Variants in MATN3 observed in about 807,000 individuals in gnomAD.
The protein encoded by MATN3 is matrilin-3.
In MATN3, 48 loss-of-function variants were observed where a neutral mutation model predicts 45.3. That is an observed-to-expected ratio of 1.06 (90% CI 0.84 to 1.35). The LOEUF is 1.35. Ranked by LOEUF, MATN3 falls within the 40% of genes most tolerant of loss-of-function variation. MATN3 has a pLI of 0.00. For missense variants in MATN3, 599 were observed against 628.0 expected (o/e 0.95, Z 0.49); for synonymous variants, 217 against 245.9 (o/e 0.88, Z 1.10).
Position 20,010,064 on chromosome 2 carries a change from T to TCCAAAAAAAAAAAAAAAAAAAAAAA in MATN3, c.223+2344_223+2345insTTTTTTTTTTTTTTTTTTTTTTTGG, listed in dbSNP as rs1247085339. ...TTGTCTCAGAATAAATCTCTTCAAA[T>TCCAAAAAAAAAAAAAAAAAAAAAAA]ACTAAAAAAAAAAAAAAAAAAAAAA... On this transcript the variant is annotated intron_variant, in intron 1 of 7. Transcript: ENST00000407540. 3.8e-3 allele frequency among the ~76,000 whole-genome samples: 41 copies of TCCAAAAAAAAAAAAAAAAAAAAAAA among 10,758 alleles called. 2 individuals are homozygous for TCCAAAAAAAAAAAAAAAAAAAAAAA. Among genetic ancestry groups the TCCAAAAAAAAAAAAAAAAAAAAAAA allele is most frequent in the Non-Finnish European group, 4.7e-3 (36 of 7,718 alleles). 7.1% of individuals were successfully genotyped at this position (10,758 alleles called of 152,430 possible).
At chr2:20,004,717 G>C (rs1429215318) in intron 2 of MATN3, among the ~76,000 whole-genome samples, 1 of 152,132 alleles carries the variant, frequency 6.6e-6, no homozygotes, top group Non-Finnish European at 1.5e-5. Flanking sequence ...CCCACCCCCA[G>C]AATGTTACTT....
intron 1 of MATN3, among the ~76,000 whole-genome samples, chr2:20,011,695 C>T (rs938932959): frequency 6.6e-6 from 1 of 152,168 alleles, no homozygotes; most frequent in Non-Finnish European, 1.5e-5. Flanking sequence ...CTTGGGATTT[C>T]GGAGCCCTGA....
intron 2 of MATN3, chr2:20,004,128 C>A (rs1673046276): frequency 6.6e-6 from 1 of 152,176 alleles, no homozygotes; most frequent in Admixed American, 6.5e-5. Context: ...CCTCCACTGC[C>A]CTTGGCAACA....
chr2:19,994,370 G>T lies in MATN3; in HGVS notation c.1334C>A (p.Ala445Asp), dbSNP rs763850212. The T allele has an allele frequency of 1.9e-6, 3 of 1,613,368 alleles. No homozygotes were observed. Among genetic ancestry groups the T allele is most frequent in the Non-Finnish European group, 2.5e-6 (3 of 1,179,522 alleles). Residue 445 changes from alanine to aspartate, a missense_variant, in exon 7 of 8, where the codon GCT becomes GAT. By Grantham distance (126) the Ala-to-Asp change is moderately radical. Transcript: ENST00000407540. ...EARRLVSTEDACGCEATLAFQ... is the reference protein window; with the variant it reads ...EARRLVSTEDDCGCEATLAFQ... ...TGCCAGTGTAGCTTCACATCCACAA[G>T]CATCTTCAGTGGAAACAAGTCTTCG... is the stretch of plus-strand genomic sequence containing the variant.
chr2:20,006,201 G>A lies in MATN3; in HGVS notation c.333C>T (p.Asp111=). ...KVKTFVSRII[D]TLDIGPADTR... is the part of the protein sequence containing the mutation. Reference sequence around the variant, plus strand: ...TGTCGGCTGGCCCAATGTCCAGAGTGTCGATTATCCGGGAGACAAAAGTTT... The same window carrying A: ...TGTCGGCTGGCCCAATGTCCAGAGTATCGATTATCCGGGAGACAAAAGTTT... The change falls in exon 2 of 8, where the codon GAC becomes GAT. Residue 111 remains aspartate, a synonymous_variant. Transcript: ENST00000407540. 1.2e-6 allele frequency: 2 copies of A among 1,613,878 alleles called. No individual in the cohort carries two copies. Among genetic ancestry groups the A allele is most frequent in the Non-Finnish European group, 1.7e-6 (2 of 1,179,850 alleles).
At chr2:20,003,818 G>A (rs1377443975) in intron 2 of MATN3, among the ~76,000 whole-genome samples, 1 of 152,216 alleles carries the variant, frequency 6.6e-6, no homozygotes, top group Non-Finnish European at 1.5e-5. Flanking sequence ...CATGCAAATG[G>A]TAGAGGACAG....
intron 1 of MATN3, among the ~76,000 whole-genome samples, chr2:20,006,818 C>T (rs1028129519): frequency 6.6e-6 from 1 of 152,178 alleles, no homozygotes; most frequent in Non-Finnish European, 1.5e-5. Context: ...CTCTTTTACT[C>T]CACTTCCAAG....
chr2:20,009,075 A>C (rs558582990), intron 1 of MATN3, among the ~76,000 whole-genome samples: 2 of 151,998 alleles, frequency 1.3e-5, no homozygotes, highest in East Asian at 1.9e-4. Context: ...AAGTTTAAAA[A>C]TTAGCCAGGC....
intron 2 of MATN3, 47 bp downstream of exon 2, chr2:20,005,697 T>C: frequency 7.2e-7 from 1 of 1,398,178 alleles, no homozygotes; most frequent in Non-Finnish European, 9.7e-7. Context: ...ACACAATGTC[T>C]GAATATAACA....
chr2:20,004,096 C>T (rs1673045536), intron 2 of MATN3: 1 of 152,138 alleles, frequency 6.6e-6, no homozygotes, highest in African/African-American at 2.4e-5. Flanking sequence ...GGAGGCTGGC[C>T]CTCCTGTGGC....
rs1049722883 is a variant in MATN3 at position 19,995,812 on chromosome 2, C to T, written c.1294+1322G>A. On this transcript the variant is annotated intron_variant, in intron 6 of 7. Transcript: ENST00000407540. The surrounding 1 kb of genome is among the most constrained non-coding windows in gnomAD (Gnocchi z 4.2). The stretch of plus-strand genomic sequence containing the variant: ...GGTCCTTTGCTGCAACATTTTTACT[C>T]TTAACATTTTACAAAGATCCAATAT... Among the ~76,000 whole-genome samples, 11 of 152,158 alleles carry T rather than the reference C, an allele frequency of 7.2e-5. No individual in the cohort carries two copies. The highest frequency in any genetic ancestry group is 1.5e-4 in the Non-Finnish European group (10 of 68,020).
Position 20,006,632 on chromosome 2 carries a change from T to C in MATN3, c.224-322A>G, listed in dbSNP as rs142402162. Among the ~76,000 whole-genome samples, 383 of 152,334 alleles carry C rather than the reference T, an allele frequency of 2.5e-3. 3 individuals carry two copies. The highest frequency in any genetic ancestry group is 4.1e-3 in the East Asian group (21 of 5,182). ...GGCCCTCATGATTCCTGGGAATTAA[T>C]AGATTCTACACATTTCTTAAGTACC... On this transcript the variant is annotated intron_variant, in intron 1 of 7. Transcript: ENST00000407540.
At chr2:20,009,126 G>A (rs1214297139) in intron 1 of MATN3, among the ~76,000 whole-genome samples, 1 of 151,522 alleles carries the variant, frequency 6.6e-6, no homozygotes, top group Non-Finnish European at 1.5e-5. Flanking sequence ...TTAGGGGGCT[G>A]AGGCAGGAGG....
intron 4 of MATN3, among the ~76,000 whole-genome samples, chr2:20,001,598 G>C (rs1301573996): frequency 6.6e-6 from 1 of 152,156 alleles, no homozygotes; most frequent in East Asian, 1.9e-4. Flanking sequence ...TGATCACTTA[G>C]TTAAGGTGAT....
chr2:20,012,362 T>C lies in MATN3; in HGVS notation c.223+47A>G. ...AGCGCGCTTGGTGGATGCCCTGGGC[T>C]TCTCCTCGTTCGATGCTCACGCGTC... On this transcript the variant is annotated intron_variant, in intron 1 of 7. Transcript: ENST00000407540. The surrounding 1 kb of genome is among the most constrained non-coding windows in gnomAD (Gnocchi z 4.3). 1 of 1,210,416 alleles carries C rather than the reference T, an allele frequency of 8.3e-7. No individual in the cohort carries two copies. Among genetic ancestry groups the C allele is most frequent in the Non-Finnish European group, 1.0e-6 (1 of 970,198 alleles). 75.0% of individuals were successfully genotyped at this position (1,210,416 alleles called of 1,614,324 possible). A position where few individuals can be genotyped will look rare whatever the true frequency, so the allele number is the denominator to read the frequency against.
intron 3 of MATN3, among the ~76,000 whole-genome samples, chr2:20,002,872 A>G (rs1673014163): frequency 6.6e-6 from 1 of 152,006 alleles, no homozygotes; most frequent in African/African-American, 2.4e-5. Flanking sequence ...AAAATGTGGG[A>G]ATTATAGGCA....
chr2:20,010,064 T>TCCAAAAAAAAAAAAAAAAAAAAAAAAA (rs1247085339), intron 1 of MATN3, among the ~76,000 whole-genome samples: 258 of 10,652 alleles, frequency 0.024, 13 homozygotes, highest in South Asian at 0.031. Context: ...TCTCTTCAAA[T>TCCAAAAAAAAAAAAAAAAAAAAAAAAA]ACTAAAAAAA....
chr2:20,000,471 T>C lies in MATN3; in HGVS notation c.1138A>G (p.Thr380Ala). The C allele has an allele frequency of 6.2e-7, 1 of 1,612,156 alleles. No individual in the cohort carries two copies. The highest frequency in any genetic ancestry group is 1.1e-5 in the South Asian group (1 of 90,598). The change falls in exon 5 of 8, where the codon ACT (threonine) becomes GCT (alanine). Residue 380 changes from threonine to alanine, a missense_variant. By Grantham distance (58) the Thr-to-Ala change is moderately conservative (BLOSUM62 0). Coordinates refer to ENST00000407540, the MANE Select transcript of MATN3 (RefSeq NM_002381.5). Reference protein sequence around the residue: ...SHHCECYEGYTLNADKKTCSV... With the variant: ...SHHCECYEGYALNADKKTCSV... Reference sequence around the variant, plus strand: ...CATGTTTTTTTATCTGCATTCAGAGTGTAGCCCTCATAGCATTCACAATGA... The same window carrying C: ...CATGTTTTTTTATCTGCATTCAGAGCGTAGCCCTCATAGCATTCACAATGA...
Position 20,003,181 on chromosome 2 carries a change from G to A in MATN3, c.896C>T (p.Ala299Val), listed in dbSNP as rs2103482649. ...CTCACCTGAACACGTTTTCTTGTCG[G>A]CATTCAAGGTGTATCCTTGGCTACA... ...CECSQGYTLN[A>V]DKKTCSALDR... Residue 299 changes from alanine to valine, a missense_variant, in exon 3 of 8, where the codon GCC becomes GTC. Transcript: ENST00000407540. 3 of 1,613,924 alleles carry A rather than the reference G, an allele frequency of 1.9e-6. No homozygotes were observed. The highest frequency in any genetic ancestry group is 2.5e-6 in the Non-Finnish European group (3 of 1,179,846).
Sources: gnomAD v4.1 joint callset for allele counts (sites outside exome capture counted in the v4.1 genomes callset) on GRCh38, gnomAD v4.1.1 for gene constraint, Gnocchi (gnomAD v3.1) non-coding constraint, MANE v1.5 for transcripts, NCBI Gene and HGNC (gene_info 2026-07-23, HGNC 2026-07-21) for gene names.